The following OTP variants were observed in gnomAD, a reference collection of about 807,000 sequenced individuals.
OTP encodes the protein homeobox protein orthopedia.
In OTP, 5 loss-of-function variants were observed where a neutral mutation model predicts 22.3. The ratio of observed to expected loss-of-function variants is 0.22; its 90% confidence interval spans 0.12 to 0.47. The LOEUF (loss-of-function observed/expected upper bound fraction) is 0.47, where lower values mean the gene tolerates loss of function less well. OTP is among the 20% of genes least tolerant of loss of function. The pLI is 0.99. For missense variants in OTP, 428 were observed against 456.2 expected (o/e 0.94, Z 0.56); for synonymous variants, 229 against 210.6 (o/e 1.09, Z -0.76).
intron 2 of OTP, among the ~76,000 whole-genome samples, chr5:77,634,200 T>C (rs1744974602): frequency 6.6e-6 from 1 of 152,260 alleles, no homozygotes; most frequent in African/African-American, 2.4e-5. Context: ...AGACTAATGA[T>C]TATGCTTATT....
chr5:77,633,947 G>T (rs1460843850), intron 2 of OTP, among the ~76,000 whole-genome samples: 3 of 152,142 alleles, frequency 2.0e-5, no homozygotes, highest in Non-Finnish European at 4.4e-5. Flanking sequence ...GTTTAATAGT[G>T]CTGGGAGAGG....
chr5:77,630,347 T>C lies in OTP; in HGVS notation c.895A>G (p.Ser299Gly), dbSNP rs1395414443. ...GSPQLCSSPD[S>G]SDVWRGTSIA... ...CTGGTGCCCCGCCACACGTCGCTGC[T>C]GTCCGGGGAGCTGCAGAGCTGGGGC... Residue 299 changes from serine (S) to glycine (G), a missense_variant, in exon 3 of 3, where the codon AGC becomes GGC. Ser to Gly is a moderately conservative substitution (Grantham distance 56). This residue lies in a region of OTP where 236 missense variants were observed against 238.1 expected (regional missense o/e 0.99). Transcript: ENST00000306422. 1 of 1,572,768 alleles carries C rather than the reference T, an allele frequency of 6.4e-7. No individual in the cohort carries two copies. The highest frequency in any genetic ancestry group is 8.6e-7 in the Non-Finnish European group (1 of 1,162,880).
At chr5:77,632,486 T>C (rs1744947199) in intron 2 of OTP, among the ~76,000 whole-genome samples, 1 of 152,014 alleles carries the variant, frequency 6.6e-6, no homozygotes, top group African/African-American at 2.4e-5. Flanking sequence ...TATTTAGTGT[T>C]TACTCTGCAA....
chr5:77,633,928 T>C (rs952002487), intron 2 of OTP, among the ~76,000 whole-genome samples: 2 of 152,206 alleles, frequency 1.3e-5, no homozygotes, highest in Admixed American at 6.5e-5. Flanking sequence ...CTGGGCCGAA[T>C]TCATTACAGT....
At chr5:77,636,775 C>T in intron 2 of OTP, 46 bp downstream of exon 2, 3 of 1,561,760 alleles carry the variant, frequency 1.9e-6, no homozygotes, top group Non-Finnish European at 2.6e-6. Context: ...CCCAAATCCT[C>T]CCGCCCTGTC....
intron 1 of OTP, 60 bp from the exon 2 acceptor site, chr5:77,637,290 T>C (rs1745025294): frequency 1.4e-6 from 2 of 1,448,572 alleles, no homozygotes; most frequent in Admixed American, 5.6e-5. Context: ...GGGGCTGTCT[T>C]CCCCGCGCAG....
chr5:77,634,572 A>G (rs1039669818), intron 2 of OTP, among the ~76,000 whole-genome samples: 2 of 152,216 alleles, frequency 1.3e-5, no homozygotes, highest in African/African-American at 4.8e-5. Flanking sequence ...AATGTGTGGC[A>G]GTCTGTTAAC....
At position 77,630,130 on chromosome 5, in the gene OTP, C is replaced by G; in HGVS notation, c.*134G>C. The G allele has an allele frequency of 2.4e-6, 1 of 410,424 alleles. No individual in the cohort carries two copies. Among genetic ancestry groups the G allele is most frequent in the Non-Finnish European group, 3.8e-6 (1 of 265,150 alleles). 25.4% of individuals were successfully genotyped at this position (410,424 alleles called of 1,614,324 possible). On this transcript the variant is annotated 3_prime_UTR_variant, in exon 3 of 3. Transcript: ENST00000306422. ...AGCCCGAGCGAGTGGAGGAGAGAGG[C>G]GAGGACGAAACGAGACGGGGCGAAG...
chr5:77,637,125 T>C lies in OTP; in HGVS notation c.143A>G (p.Asn48Ser). ...AGTGGCTCCCTCCACTGGGTCAGAG[T>C]TGGGCGCCAGGTCCCCCGGATGGCC... ...PGGHPGDLAP[N>S]SDPVEGATLL... The change falls in exon 2 of 3, where the codon AAC (asparagine) becomes AGC (serine). Residue 48 changes from asparagine to serine, a missense_variant. Asn to Ser is a conservative substitution (Grantham distance 46). Around this residue, in one of 3 missense-constraint regions of OTP, gnomAD observed 176 missense variants for 162.9 expected, o/e 1.08. Transcript: ENST00000306422. 4.4e-6 allele frequency: 7 copies of C among 1,608,368 alleles called. No individual in the cohort carries two copies. Among genetic ancestry groups the C allele is most frequent in the Non-Finnish European group, 5.9e-6 (7 of 1,177,526 alleles).
At chr5:77,634,563 ATG>A in intron 2 of OTP, among the ~76,000 whole-genome samples, 1 of 152,330 alleles carries the variant, frequency 6.6e-6, no homozygotes, top group East Asian at 1.9e-4. Flanking sequence ...ACTGAAAAGA[ATG>A]TGTGGCAGTC....
Position 77,630,418 on chromosome 5 carries a change from C to T in OTP, c.824G>A (p.Gly275Asp), listed in dbSNP as rs781728023. The change falls in exon 3 of 3, where the codon GGC becomes GAC. Residue 275 changes from glycine (G) to aspartate (D), a missense_variant. Gly to Asp is a moderately conservative substitution (Grantham distance 94, BLOSUM62 -1). Around this residue, in one of 3 missense-constraint regions of OTP, gnomAD observed 236 missense variants for 238.1 expected, o/e 0.99. Transcript: ENST00000306422. ...QSHLYQPAFPGMVPASLPGPS... is the reference protein window; with the variant it reads ...QSHLYQPAFPDMVPASLPGPS... ...GCCGGGGAGGGAGGCGGGCACCATG[C>T]CGGGGAAGGCGGGCTGGTAGAGGTG... The T allele has an allele frequency of 6.3e-7, 1 of 1,580,842 alleles. No homozygotes were observed. The highest frequency in any genetic ancestry group is 8.6e-7 in the Non-Finnish European group (1 of 1,165,778).
At chr5:77,636,181 C>CG (rs1745004212) in intron 2 of OTP, 1 of 152,166 alleles carries the variant, frequency 6.6e-6, no homozygotes, top group Admixed American at 6.5e-5. Flanking sequence ...CAAAACAAAA[C>CG]GGGGCTCACC....
In OTP at chr5:77,635,542, T is replaced by C. The variant is rs573537758; in HGVS notation, c.447+1279A>G. ...TGACCATTTTAAATCCCCAATAATA[T>C]TCATTTGCTATTAGAGCAGAAGCAT... On this transcript the variant is annotated intron_variant, in intron 2 of 2. Transcript: ENST00000306422. Among the ~76,000 whole-genome samples, 14 of 152,368 alleles carry C rather than the reference T, an allele frequency of 9.2e-5. No individual in the cohort carries two copies. In the South Asian group the frequency reaches 2.9e-3, roughly 32 times the overall value.
At chr5:77,638,241 C>A (rs1745039676) in intron 1 of OTP, among the ~76,000 whole-genome samples, 2 of 119,672 alleles carry the variant, frequency 1.7e-5, no homozygotes, top group Non-Finnish European at 1.7e-5. Flanking sequence ...CGGGGTATAT[C>A]GCCTTTCGAA....
Position 77,633,604 on chromosome 5 carries a change from C to T in OTP, c.448-2810G>A, listed in dbSNP as rs143094220. 4.6e-3 allele frequency among the ~76,000 whole-genome samples: 705 copies of T among 152,258 alleles called. 11 individuals are homozygous for T. Among genetic ancestry groups the T allele is most frequent in the African/African-American group, 0.016 (680 of 41,536 alleles). ...AGCTCTTCTTGGAAAATGCTTAATA[C>T]AACAGTGAGAATCTAATGGAGGTTG... On this transcript the variant is annotated intron_variant, in intron 2 of 2. Transcript: ENST00000306422.
intron 2 of OTP, among the ~76,000 whole-genome samples, chr5:77,635,236 A>G (rs1744989035): frequency 6.6e-6 from 1 of 152,220 alleles, no homozygotes; most frequent in South Asian, 2.1e-4. Flanking sequence ...TCTAACCTGC[A>G]AAATTGAACC....
Position 77,636,976 on chromosome 5 carries a change from G to T in OTP, c.292C>A (p.Gln98Lys). The T allele has an allele frequency of 2.5e-6, 4 of 1,614,060 alleles. No homozygotes were observed. Among genetic ancestry groups the T allele is most frequent in the Non-Finnish European group, 3.4e-6 (4 of 1,179,984 alleles). Residue 98 changes from glutamine (Q) to lysine (K), a missense_variant, in exon 2 of 3, where the codon CAG (glutamine) becomes AAG (lysine). Transcript: ENST00000306422. ...GGPNPSQAGQ[Q>K]QGQQKQKRHR... Reference sequence around the variant, plus strand: ...CGCTTCTGCTTCTGTTGGCCCTGCTGCTGGCCGGCTTGGCTGGGGTTCGGG... The same window carrying T: ...CGCTTCTGCTTCTGTTGGCCCTGCTTCTGGCCGGCTTGGCTGGGGTTCGGG...
intron 2 of OTP, among the ~76,000 whole-genome samples, chr5:77,632,440 C>T (rs2112368450): frequency 6.6e-6 from 1 of 152,158 alleles, no homozygotes; most frequent in South Asian, 2.1e-4. Flanking sequence ...CCACGATATC[C>T]GTGGAAAAAA....
intron 2 of OTP, 25 bp from the exon 3 acceptor site, chr5:77,630,819 G>GACAA (rs1429196187): frequency 6.6e-7 from 1 of 1,511,096 alleles, no homozygotes; most frequent in African/African-American, 1.4e-5. Flanking sequence ...GCGGGAGACA[G>GACAA]ACAGGGAGCT....
Sources: allele counts gnomAD v4.1 joint callset (sites outside exome capture counted in the v4.1 genomes callset), GRCh38; gene constraint gnomAD v4.1.1; regional missense constraint gnomAD v4.1.1; transcripts MANE v1.5; gene names NCBI Gene and HGNC (gene_info 2026-07-23, HGNC 2026-07-21).